PARN: variants seen among roughly 807,000 people sequenced by gnomAD.
The protein encoded by PARN is poly(A)-specific ribonuclease PARN.
Under a neutral mutation model 102.8 loss-of-function variants are expected in PARN, and 71 were observed. That is an observed-to-expected ratio of 0.69 (90% confidence interval 0.57 to 0.84). The LOEUF is 0.84. PARN is among the 40% of genes least tolerant of loss of function. The probability of loss-of-function intolerance (pLI) is 0.00; values close to 1 mark genes in which losing one functional copy is unlikely to be tolerated. For missense variants in PARN, 782 were observed against 760.9 expected, an observed-to-expected ratio of 1.03 and a Z score of -0.33; for synonymous variants, 261 against 252.9, an observed-to-expected ratio of 1.03 and a Z score of -0.30.
chr16:14,556,153 CTAT>C lies in PARN; in HGVS notation c.1263-447_1263-445del, dbSNP rs757486620. Reference sequence around the variant, plus strand: ...TCTGGCTTTATAATTATTATTATTACTATTATTATTATTATTATCATTTTGAGA... The same window carrying C: ...TCTGGCTTTATAATTATTATTATTACTATTATTATTATTATCATTTTGAGA... On this transcript the variant is annotated intron_variant, in intron 18 of 23. Transcript: ENST00000437198. 1.2e-4 allele frequency among the ~76,000 whole-genome samples: 18 copies of C among 146,874 alleles called. No individual in the cohort carries two copies. In the South Asian group the frequency reaches 2.0e-3, roughly 16 times the overall value.
At chr16:14,619,019 G>C (rs1393658624) in intron 5 of PARN, among the ~76,000 whole-genome samples, 1 of 150,994 alleles carries the variant, frequency 6.6e-6, no homozygotes, top group Non-Finnish European at 1.5e-5. Context: ...AAAACAGTGA[G>C]ATCCTATCTC....
Position 14,627,086 on chromosome 16 carries a change from A to T in PARN, c.327+20T>A. The T allele has an allele frequency of 7.0e-7, 1 of 1,433,880 alleles. No homozygotes were observed. The highest frequency in any genetic ancestry group is 9.8e-7 in the Non-Finnish European group (1 of 1,023,698). 88.8% of individuals were successfully genotyped at this position (1,433,880 alleles called of 1,614,324 possible). ...CTCATCAGCAATTCAGAAAAGAAAA[A>T]TCTCAATTATGCTACTTACCTGACA... On this transcript the variant is annotated intron_variant, in intron 5 of 23. Coordinates refer to ENST00000437198, the MANE Select transcript of PARN (RefSeq NM_002582.4).
At chr16:14,516,626 A>C (rs1596554177) in intron 21 of PARN, among the ~76,000 whole-genome samples, 1 of 152,238 alleles carries the variant, frequency 6.6e-6, no homozygotes, top group East Asian at 1.9e-4. Flanking sequence ...ATATAATTTT[A>C]CACCTAGCTG....
rs529438043 is a variant in PARN at position 14,546,615 on chromosome 16, T to C, written c.1480+5406A>G. Among the ~76,000 whole-genome samples, 7 of 152,330 alleles carry C rather than the reference T, an allele frequency of 4.6e-5. No homozygotes were observed. In the East Asian group the frequency reaches 1.2e-3, roughly 25 times the overall value. ...AGCTCTTTTTCTAAAGCCATTTCTA[T>C]AAAAATTATATTCAGAGACACAATG... On this transcript the variant is annotated intron_variant, in intron 21 of 23. Coordinates refer to ENST00000437198, the MANE Select transcript of PARN (RefSeq NM_002582.4).
chr16:14,604,239 A>C lies in PARN; in HGVS notation c.703-13T>G. 6.8e-7 allele frequency: 1 copy of C among 1,480,984 alleles called. No individual in the cohort carries two copies. Among genetic ancestry groups the C allele is most frequent in the African/African-American group, 1.4e-5 (1 of 71,682 alleles). The allele number at this position is 1,480,984 out of a possible 1,614,324, so 91.7% of individuals were successfully genotyped here. A position where few individuals can be genotyped will look rare whatever the true frequency, so the allele number is the denominator to read the frequency against. ...TATATCGCTCCTTCTAAAAGACATA[A>C]AGCAGATATACAATTTTCTTTTCTT... On this transcript the variant is annotated splice_polypyrimidine_tract_variant and intron_variant, in intron 10 of 23. Transcript: ENST00000437198.
At chr16:14,605,624 G>A (rs1251297779) in intron 10 of PARN, among the ~76,000 whole-genome samples, 1 of 152,062 alleles carries the variant, frequency 6.6e-6, no homozygotes, top group African/African-American at 2.4e-5. Context: ...GTCCACTAAA[G>A]ATAAATTATC....
chr16:14,435,703 C>A lies in PARN; in HGVS notation c.*1014G>T, dbSNP rs535190492. ...AAAAAGAGAGGAGAAAACCAGAGTC[C>A]TATGAAAATGTTTTTAATTTTCATC... is the stretch of plus-strand genomic sequence containing the variant. On this transcript the variant is annotated 3_prime_UTR_variant, in exon 24 of 24. Coordinates refer to ENST00000437198, the MANE Select transcript of PARN (RefSeq NM_002582.4). 6.6e-5 allele frequency: 10 copies of A among 151,980 alleles called. No individual in the cohort carries two copies. The East Asian group carries it at 1.7e-3, about 26-fold the overall frequency. 9.4% of individuals were successfully genotyped at this position (151,980 alleles called of 1,614,324 possible). A position where few individuals can be genotyped will look rare whatever the true frequency, so the allele number is the denominator to read the frequency against.
chr16:14,522,364 A>G (rs1453409098), intron 21 of PARN, among the ~76,000 whole-genome samples: 1 of 152,136 alleles, frequency 6.6e-6, no homozygotes, highest in Non-Finnish European at 1.5e-5. Flanking sequence ...AAATGCACAA[A>G]TCTCAGGTGT....
chr16:14,459,722 T>G (rs936220800), intron 22 of PARN, among the ~76,000 whole-genome samples: 1 of 152,112 alleles, frequency 6.6e-6, no homozygotes, highest in Non-Finnish European at 1.5e-5. Flanking sequence ...AAGACAAGAT[T>G]AAAGGTACAA....
At chr16:14,449,934 T>C (rs2151560160) in intron 22 of PARN, among the ~76,000 whole-genome samples, 1 of 152,296 alleles carries the variant, frequency 6.6e-6, no homozygotes, top group Middle Eastern at 3.4e-3. Context: ...AATGTGGCAA[T>C]ATCTAACAAA....
chr16:14,441,840 A>C (rs1960956022), intron 23 of PARN, among the ~76,000 whole-genome samples: 1 of 152,214 alleles, frequency 6.6e-6, no homozygotes, highest in Non-Finnish European at 1.5e-5. Flanking sequence ...GACTTTAAGG[A>C]GACCAGTAAC....
intron 21 of PARN, among the ~76,000 whole-genome samples, chr16:14,516,155 G>T (rs1965446133): frequency 6.6e-6 from 1 of 151,320 alleles, no homozygotes; most frequent in South Asian, 2.1e-4. Context: ...ATAATTAAAA[G>T]ATAAAAAATT....
chr16:14,459,707 T>C (rs1011635025), intron 22 of PARN, among the ~76,000 whole-genome samples: 11 of 152,170 alleles, frequency 7.2e-5, no homozygotes, highest in African/African-American at 2.7e-4. Flanking sequence ...AACTTTTATA[T>C]AGAAAAGACA....
chr16:14,504,688 G>A (rs1964799379), intron 21 of PARN, among the ~76,000 whole-genome samples: 2 of 152,078 alleles, frequency 1.3e-5, no homozygotes. Flanking sequence ...CTAGCTATTT[G>A]GGAAAAAGTA....
Position 14,593,288 on chromosome 16 carries a change from A to T in PARN, c.918+13T>A. ...TCCTGCTAATATTAAACACAGACCA[A>T]CAGGTCACTTACCGCAGGCAGAGGG... On this transcript the variant is annotated intron_variant, in intron 13 of 23. Coordinates refer to ENST00000437198, the MANE Select transcript of PARN (RefSeq NM_002582.4). 1 of 1,444,320 alleles carries T rather than the reference A, an allele frequency of 6.9e-7. No homozygotes were observed. Among genetic ancestry groups the T allele is most frequent in the Non-Finnish European group, 9.7e-7 (1 of 1,026,104 alleles). The allele number at this position is 1,444,320 out of a possible 1,614,324, so 89.5% of individuals were successfully genotyped here. A position where few individuals can be genotyped will look rare whatever the true frequency, so the allele number is the denominator to read the frequency against.
At chr16:14,612,657 G>C (rs1409930842) in intron 6 of PARN, among the ~76,000 whole-genome samples, 1 of 150,542 alleles carries the variant, frequency 6.6e-6, no homozygotes, top group Non-Finnish European at 1.5e-5. Flanking sequence ...GAGTGCAATG[G>C]CACGATCTCG....
intron 18 of PARN, among the ~76,000 whole-genome samples, chr16:14,567,978 T>G (rs1968528325): frequency 6.6e-6 from 1 of 152,188 alleles, no homozygotes; most frequent in African/African-American, 2.4e-5. Context: ...TTAAAAAGTT[T>G]TTGTTGGCAT....
chr16:14,454,176 A>G (rs996036377), intron 22 of PARN, among the ~76,000 whole-genome samples: 4 of 152,176 alleles, frequency 2.6e-5, no homozygotes, highest in Non-Finnish European at 5.9e-5. Context: ...CTACATTATT[A>G]GATACGCAGT....
intron 21 of PARN, among the ~76,000 whole-genome samples, chr16:14,547,203 G>A (rs1340357109): frequency 6.6e-6 from 1 of 152,046 alleles, no homozygotes; most frequent in African/African-American, 2.4e-5. Flanking sequence ...CACTGGCCAT[G>A]TACTGCTTCA....
Sources: allele counts gnomAD v4.1 joint callset (sites outside exome capture counted in the v4.1 genomes callset), GRCh38; gene constraint gnomAD v4.1.1; transcripts MANE v1.5; gene names NCBI Gene and HGNC (gene_info 2026-07-23, HGNC 2026-07-21).